RET: variants seen among roughly 807,000 people sequenced by gnomAD.
RET encodes proto-oncogene tyrosine-protein kinase receptor Ret.
In RET, 19 loss-of-function variants were observed where a neutral mutation model predicts 118.3. The ratio of observed to expected loss-of-function variants is 0.16; its 90% CI spans 0.11 to 0.24. The LOEUF is 0.24. Ranked by LOEUF, RET falls within the 10% of genes least tolerant of loss-of-function variation. The pLI, the probability that RET is intolerant of heterozygous loss-of-function variation, is 1.00. For missense variants in RET, 1,219 were observed against 1,502.1 expected (o/e 0.81, Z 3.12); for synonymous variants, 597 against 644.1 (o/e 0.93, Z 1.11).
At chr10:43,110,759 A>G (rs1049694133) in intron 6 of RET, among the ~76,000 whole-genome samples, 1 of 152,044 alleles carries the variant, frequency 6.6e-6, no homozygotes, top group Non-Finnish European at 1.5e-5. Context: ...GGACCTCTAA[A>G]CCCTGTGCAC....
chr10:43,117,329 G>A (rs1838095963), intron 12 of RET, among the ~76,000 whole-genome samples: 1 of 152,246 alleles, frequency 6.6e-6, no homozygotes, highest in African/African-American at 2.4e-5. Flanking sequence ...AGCACAGGGT[G>A]CTTCCAGATG....
rs924811506 is a variant in RET at position 43,106,829 on chromosome 10, C to A, written c.1063+258C>A. ...CCCTGGCAGGGCCCCACCACACCCC[C>A]CTGCTGACCTCACCAGGGCTCACCA... is the stretch of plus-strand genomic sequence containing the variant. On this transcript the variant is annotated intron_variant, in intron 5 of 19. Coordinates refer to ENST00000355710, the MANE Select transcript of RET (RefSeq NM_020975.6). The surrounding 1 kb of genome is among the most constrained non-coding windows in gnomAD (Gnocchi z 5.1). Among the ~76,000 whole-genome samples, 1 of 152,216 alleles carries A rather than the reference C, an allele frequency of 6.6e-6. No individual in the cohort carries two copies. Among genetic ancestry groups the A allele is most frequent in the East Asian group, 1.9e-4 (1 of 5,198 alleles).
chr10:43,111,612 C>A (rs2132782503), intron 7 of RET, 147 bp downstream of exon 7: 1 of 896,426 alleles, frequency 1.1e-6, no homozygotes, highest in Non-Finnish European at 1.7e-6. Context: ...AGTGACCCAG[C>A]AGTAAATGGT....
intron 1 of RET, among the ~76,000 whole-genome samples, chr10:43,099,834 G>C (rs1426602913): frequency 1.3e-5 from 2 of 152,198 alleles, no homozygotes; most frequent in African/African-American, 2.4e-5. Flanking sequence ...ACCCATCCAG[G>C]TGTTTGCGTG....
At chr10:43,081,653 G>C (rs1391905362) in intron 1 of RET, among the ~76,000 whole-genome samples, 1 of 152,156 alleles carries the variant, frequency 6.6e-6, no homozygotes, top group Non-Finnish European at 1.5e-5. Context: ...ATGGCCCCTG[G>C]GAGGCTGCCA....
Position 43,077,347 on chromosome 10 carries a change from C to A in RET, c.73+16C>A. On this transcript the variant is annotated intron_variant, in intron 1 of 19. Coordinates refer to ENST00000355710, the MANE Select transcript of RET (RefSeq NM_020975.6). ...CTAGGCAAAGGTGAGTTCTGCCGGC[C>A]GCCGGCTCCCGCAGGGGCCAGGGCG... 5 of 1,505,048 alleles carry A rather than the reference C, an allele frequency of 3.3e-6. No homozygotes were observed. The highest frequency in any genetic ancestry group is 4.4e-6 in the Non-Finnish European group (5 of 1,132,218). 93.2% of individuals were successfully genotyped at this position (1,505,048 alleles called of 1,614,324 possible). A position where few individuals can be genotyped will look rare whatever the true frequency, so the allele number is the denominator to read the frequency against.
At chr10:43,127,666 T>C (rs1405914662) in intron 19 of RET, among the ~76,000 whole-genome samples, 2 of 152,156 alleles carry the variant, frequency 1.3e-5, no homozygotes, top group Admixed American at 6.5e-5. Context: ...GCTATGAGGC[T>C]GGCCCGTGTG....
chr10:43,122,084 C>T lies in RET; in HGVS notation c.2801+68C>T, dbSNP rs766953789. 3.2e-5 allele frequency: 39 copies of T among 1,235,648 alleles called. No individual in the cohort carries two copies. The Middle Eastern group carries it at 9.4e-4, about 30-fold the overall frequency. The allele number at this position is 1,235,648 out of a possible 1,614,324, so 76.5% of individuals were successfully genotyped here. On this transcript the variant is annotated intron_variant, in intron 16 of 19. Transcript: ENST00000355710. ...CACCCTTATACATGTAGTGGGGCCACGACGCCCGTCTGTGCAGCTTGGCCA... is the reference window on the plus strand; with the variant it reads ...CACCCTTATACATGTAGTGGGGCCATGACGCCCGTCTGTGCAGCTTGGCCA...
chr10:43,113,460 T>C, intron 9 of RET, 96 bp from the exon 10 acceptor site: 2 of 1,372,416 alleles, frequency 1.5e-6, no homozygotes, highest in South Asian at 1.4e-5. Context: ...GCGACACCAG[T>C]TGGGGAGGGG....
chr10:43,095,221 G>A (rs983440740), intron 1 of RET, among the ~76,000 whole-genome samples: 3 of 152,174 alleles, frequency 2.0e-5, no homozygotes, highest in African/African-American at 7.2e-5. Context: ...CTGATGGCTA[G>A]GCTCAGGTAT....
At chr10:43,102,709 C>T (rs986964425) in intron 3 of RET, 80 bp downstream of exon 3, 1 of 1,539,622 alleles carries the variant, frequency 6.5e-7, no homozygotes, top group Non-Finnish European at 8.9e-7. Context: ...CACAAGCCAT[C>T]TGGTTTATTC....
At chr10:43,098,571 G>A (rs770904930) in intron 1 of RET, among the ~76,000 whole-genome samples, 15 of 152,032 alleles carry the variant, frequency 9.9e-5, no homozygotes, top group Non-Finnish European at 1.8e-4. Context: ...ATAGGCGCCC[G>A]CCTTCATGCC....
rs534767762 is a variant in RET, at chr10:43,114,030, G to A, written c.1879+355G>A. Among the ~76,000 whole-genome samples the A allele has an allele frequency of 2.1e-4, 32 of 152,306 alleles. No homozygotes were observed. In the East Asian group the frequency reaches 5.6e-3, roughly 27 times the overall value. ...TGCACAGCCACACTGACTACACTCA[G>A]GGGTGCTGTTCTGCCTGAGCATAGG... On this transcript the variant is annotated intron_variant, in intron 10 of 19. Coordinates refer to ENST00000355710, the MANE Select transcript of RET (RefSeq NM_020975.6). This position sits in a 1 kb window ranked among gnomAD's most constrained non-coding sequence, Gnocchi z 4.6.
intron 13 of RET, 102 bp from the exon 14 acceptor site, chr10:43,119,429 T>C (rs1838148713): frequency 7.7e-6 from 7 of 904,530 alleles, no homozygotes; most frequent in South Asian, 6.2e-5. Context: ...CCTTACTCAT[T>C]GGGTGGCCGG....
chr10:43,118,377 C>T lies in RET; in HGVS notation c.2289C>T (p.Asn763=), dbSNP rs777349208. 2.7e-5 allele frequency: 44 copies of T among 1,613,276 alleles called. No individual in the cohort carries two copies. The highest frequency in any genetic ancestry group is 2.5e-4 in the South Asian group (23 of 91,034). The stretch of plus-strand genomic sequence containing the variant: ...CTGCTCTGTGCTGCATTTCAGAGAA[C>T]GCCTCCCCGAGTGAGCTGCGAGACC... ...TTVAVKMLKE[N]ASPSELRDLL... is the part of the protein sequence containing the mutation. Residue 763 remains asparagine (N), a synonymous_variant, in exon 13 of 20, where the codon AAC becomes AAT. Transcript: ENST00000355710.
chr10:43,123,571 G>T, intron 16 of RET, 100 bp from the exon 17 acceptor site: 2 of 1,493,752 alleles, frequency 1.3e-6, no homozygotes, highest in East Asian at 2.3e-5. Context: ...AAGCCGACAG[G>T]GTCAGCAGGT....
At chr10:43,115,733 A>G (rs542643998) in intron 11 of RET, among the ~76,000 whole-genome samples, 2 of 152,360 alleles carry the variant, frequency 1.3e-5, no homozygotes, top group East Asian at 1.9e-4. Flanking sequence ...CCATGACTCA[A>G]CCTCAGTATT....
rs1253802821 is a variant in RET, at chr10:43,120,419, G to A, written c.2730+216G>A. Among the ~76,000 whole-genome samples, 4 of 152,242 alleles carry A rather than the reference G, an allele frequency of 2.6e-5. 1 individual carries two copies. The highest frequency in any genetic ancestry group is 1.3e-4 in the Admixed American group (2 of 15,290). ...ATGTCCTTCTCCTCCAGGGCCTCCA[G>A]GGCACCCCTCCCTGGCAGCATACTG... On this transcript the variant is annotated intron_variant, in intron 15 of 19. Coordinates refer to ENST00000355710, the MANE Select transcript of RET (RefSeq NM_020975.6).
intron 16 of RET, 110 bp downstream of exon 16, chr10:43,122,126 C>T: frequency 1.2e-6 from 1 of 852,838 alleles, no homozygotes. Context: ...TGCACTGGCC[C>T]TGAGCACCTG....
Sources: allele counts gnomAD v4.1 joint callset (sites outside exome capture counted in the v4.1 genomes callset), GRCh38; gene constraint gnomAD v4.1.1; non-coding constraint Gnocchi (gnomAD v3.1); transcripts MANE v1.5; gene names NCBI Gene and HGNC (gene_info 2026-07-23, HGNC 2026-07-21).